The following OR1J2 variants were observed in gnomAD, a reference collection of about 807,000 sequenced individuals.
OR1J2 encodes olfactory receptor 1J2.
For missense variants in OR1J2, 304 were observed against 246.1 expected, an observed-to-expected ratio of 1.24 and a Z score of -1.57; for synonymous variants, 142 against 99.7, an observed-to-expected ratio of 1.42 and a Z score of -2.52.
chr9:122,513,024 A>T (rs1828658492), downstream of OR1J2, among the ~76,000 whole-genome samples: 1 of 152,244 alleles, frequency 6.6e-6, no homozygotes, highest in African/African-American at 2.4e-5. Context: ...CCACAAAGGG[A>T]CACAAGTTCT....
chr9:122,529,864 C>T, the OR1J2 span, among the ~76,000 whole-genome samples: 111 of 152,232 alleles, frequency 7.3e-4, 1 homozygote, highest in Non-Finnish European at 1.2e-3. Context: ...TGCCCACCTG[C>T]GACTGTTTGT....
the OR1J2 span, among the ~76,000 whole-genome samples, chr9:122,487,866 T>C: frequency 6.6e-6 from 1 of 152,220 alleles, no homozygotes; most frequent in Non-Finnish European, 1.5e-5. Context: ...ATAAGAACTT[T>C]TATTATGTAC....
the OR1J2 span, among the ~76,000 whole-genome samples, chr9:122,548,729 G>A: frequency 6.8e-6 from 1 of 147,392 alleles, no homozygotes; most frequent in Admixed American, 6.8e-5. Flanking sequence ...ATCTCCTAAT[G>A]CTATCCCTCC....
At chr9:122,516,460 C>T (rs1019407544), downstream of OR1J2, among the ~76,000 whole-genome samples, 11 of 151,894 alleles carry the variant, frequency 7.2e-5, no homozygotes, top group South Asian at 2.3e-3. Flanking sequence ...CCCGCCACTA[C>T]GCCCGGCTAA....
chr9:122,487,244 T>C, the OR1J2 span, among the ~76,000 whole-genome samples: 1 of 152,148 alleles, frequency 6.6e-6, no homozygotes, highest in African/African-American at 2.4e-5. Context: ...TGCAGATTAT[T>C]ATTATTTTTT....
At chr9:122,463,129 TTTTC>T in the OR1J2 span, among the ~76,000 whole-genome samples, 1 of 152,196 alleles carries the variant, frequency 6.6e-6, no homozygotes, top group Non-Finnish European at 1.5e-5. Flanking sequence ...TTAAATTCTT[TTTTC>T]TTTGTCTTTG....
At chr9:122,499,946 G>C in the OR1J2 span, among the ~76,000 whole-genome samples, 22 of 152,224 alleles carry the variant, frequency 1.4e-4, no homozygotes, top group African/African-American at 5.3e-4. Context: ...CCCAGGAGAA[G>C]CCACAGCTGT....
At chr9:122,562,030 C>G in the OR1J2 span, among the ~76,000 whole-genome samples, 1 of 152,192 alleles carries the variant, frequency 6.6e-6, no homozygotes, top group African/African-American at 2.4e-5. Flanking sequence ...CCTTGAGCCC[C>G]TGGCGGGAGT....
downstream of OR1J2, among the ~76,000 whole-genome samples, chr9:122,515,130 A>G (rs111246135): frequency 2.0e-5 from 3 of 152,086 alleles, no homozygotes; most frequent in African/African-American, 7.2e-5. Context: ...GGTAGAATAG[A>G]CTTGTTACCT....
At chr9:122,553,799 T>C in the OR1J2 span, 10 of 1,613,952 alleles carry the variant, frequency 6.2e-6, no homozygotes, top group Non-Finnish European at 8.5e-6. Flanking sequence ...CAGATACCCA[T>C]GTAAACGAGC....
At chr9:122,499,188 C>T in the OR1J2 span, among the ~76,000 whole-genome samples, 1 of 152,222 alleles carries the variant, frequency 6.6e-6, no homozygotes, top group Non-Finnish European at 1.5e-5. Flanking sequence ...TGATGGCAGG[C>T]GTAAGAACCA....
chr9:122,560,646 A>T, the OR1J2 span, among the ~76,000 whole-genome samples: 1 of 152,168 alleles, frequency 6.6e-6, no homozygotes, highest in Non-Finnish European at 1.5e-5. Flanking sequence ...AGAATGTTGA[A>T]TATTGACCCC....
chr9:122,551,787 G>A, the OR1J2 span, among the ~76,000 whole-genome samples: 2 of 152,084 alleles, frequency 1.3e-5, no homozygotes, highest in African/African-American at 4.8e-5. Context: ...GGTGTTCTAG[G>A]AGCCTTTATA....
the OR1J2 span, among the ~76,000 whole-genome samples, chr9:122,494,927 T>A: frequency 6.6e-6 from 1 of 152,146 alleles, no homozygotes; most frequent in African/African-American, 2.4e-5. Context: ...AGATTGTATC[T>A]TTCTTTCATT....
chr9:122,481,197 G>T, the OR1J2 span, among the ~76,000 whole-genome samples: 2 of 152,022 alleles, frequency 1.3e-5, no homozygotes, highest in Non-Finnish European at 2.9e-5. Flanking sequence ...GCAGTATTTG[G>T]TTTTCTTTTC....
At chr9:122,489,679 C>G in the OR1J2 span, among the ~76,000 whole-genome samples, 3 of 152,170 alleles carry the variant, frequency 2.0e-5, no homozygotes, top group Non-Finnish European at 2.9e-5. Context: ...ATGAATGCCT[C>G]AAGGGGCTCA....
chr9:122,477,738 A>G, the OR1J2 span: 25,895 of 1,614,100 alleles, frequency 0.016, 363 homozygotes, highest in East Asian at 0.072. Context: ...CCAAGTGGCT[A>G]AGGAAGAAGT....
At chr9:122,459,920 TA>T in the OR1J2 span, among the ~76,000 whole-genome samples, 1 of 152,110 alleles carries the variant, frequency 6.6e-6, no homozygotes, top group East Asian at 1.9e-4. Context: ...GTTTTGCCAT[TA>T]AAAGACGCTT....
At chr9:122,528,780 A>G in the OR1J2 span, among the ~76,000 whole-genome samples, 12 of 152,216 alleles carry the variant, frequency 7.9e-5, no homozygotes, top group African/African-American at 2.9e-4. Context: ...TTTGATTCAG[A>G]TAAATAAGCT....
Sources: gnomAD v4.1 joint callset for allele counts (sites outside exome capture counted in the v4.1 genomes callset) on GRCh38, gnomAD v4.1.1 for gene constraint, MANE v1.5 for transcripts, NCBI Gene and HGNC (gene_info 2026-07-23, HGNC 2026-07-21) for gene names.